The following ASIC2 variants were observed in gnomAD, a reference collection of about 807,000 sequenced individuals.
The protein encoded by ASIC2 is acid-sensing ion channel 2.
In ASIC2, 25 loss-of-function variants were observed where a neutral mutation model predicts 57.3. The ratio of observed to expected loss-of-function variants is 0.44; its 90% CI spans 0.32 to 0.61. The LOEUF (loss-of-function observed/expected upper bound fraction) is 0.61, where lower values mean the gene tolerates loss of function less well. Ranked by LOEUF, ASIC2 falls within the 20% of genes least tolerant of loss-of-function variation. The probability of loss-of-function intolerance (pLI) is 0.06; values close to 1 mark genes in which losing one functional copy is unlikely to be tolerated. For missense variants in ASIC2, 641 were observed against 738.1 expected, an observed-to-expected ratio of 0.87 and a Z score of 1.52; for synonymous variants, 319 against 307.5, an observed-to-expected ratio of 1.04 and a Z score of -0.39.
chr17:33,717,306 C>T (rs982236572), intron 1 of ASIC2, among the ~76,000 whole-genome samples: 7 of 152,160 alleles, frequency 4.6e-5, no homozygotes, highest in African/African-American at 4.8e-5. Flanking sequence ...GTTTTCTTCC[C>T]GCTCAAAATA....
intron 1 of ASIC2, among the ~76,000 whole-genome samples, chr17:33,783,656 T>C (rs1597874494): frequency 6.6e-6 from 1 of 152,214 alleles, no homozygotes; most frequent in Non-Finnish European, 1.5e-5. Flanking sequence ...CATCTGTCTA[T>C]ATTTTGGATT....
At chr17:33,620,239 T>C (rs1200996526) in intron 1 of ASIC2, among the ~76,000 whole-genome samples, 2 of 43,158 alleles carry the variant, frequency 4.6e-5, no homozygotes, top group East Asian at 1.0e-3. Flanking sequence ...CAGAGGAAAA[T>C]GAAAAAAAAA....
intron 1 of ASIC2, among the ~76,000 whole-genome samples, chr17:33,175,674 C>T (rs1027791350): frequency 6.6e-6 from 1 of 152,106 alleles, no homozygotes; most frequent in Non-Finnish European, 1.5e-5. Context: ...CTCATTCATT[C>T]ATCAAGTCCA....
chr17:34,134,624 G>A (rs1912078835), intron 1 of ASIC2, among the ~76,000 whole-genome samples: 1 of 152,198 alleles, frequency 6.6e-6, no homozygotes, highest in Non-Finnish European at 1.5e-5. Context: ...CCAGTGATGA[G>A]ACATGGAGAA....
At chr17:33,942,808 TC>T (rs1234107436) in intron 1 of ASIC2, among the ~76,000 whole-genome samples, 1 of 152,156 alleles carries the variant, frequency 6.6e-6, no homozygotes, top group African/African-American at 2.4e-5. Flanking sequence ...CCAGCTACCA[TC>T]CCAGTTTTAG....
intron 1 of ASIC2, among the ~76,000 whole-genome samples, chr17:34,057,235 A>G (rs1180895103): frequency 6.6e-6 from 1 of 152,240 alleles, no homozygotes. Context: ...TCTGTTAAAT[A>G]TTCCAAAGAC....
At chr17:33,829,579 CTT>C (rs34205959) in intron 1 of ASIC2, among the ~76,000 whole-genome samples, 40 of 138,858 alleles carry the variant, frequency 2.9e-4, no homozygotes, top group Non-Finnish European at 3.9e-4. Flanking sequence ...TTAAACTTTT[CTT>C]TTTTTTTTTT....
At chr17:33,062,855 G>T (rs1598259153) in intron 3 of ASIC2, among the ~76,000 whole-genome samples, 1 of 100,808 alleles carries the variant, frequency 9.9e-6, no homozygotes, top group Admixed American at 8.9e-5. Context: ...CCTGTATTGG[G>T]TGCATATATA....
At chr17:33,534,754 T>C (rs1915170448) in intron 1 of ASIC2, 1 of 152,238 alleles carries the variant, frequency 6.6e-6, no homozygotes, top group Non-Finnish European at 1.5e-5. Flanking sequence ...AAGCCAGTGC[T>C]CTATACCGAG....
At position 33,449,817 on chromosome 17, in the gene ASIC2, C is replaced by T. The variant is rs559194628; in HGVS notation, c.556-337750G>A. Among the ~76,000 whole-genome samples, 11 of 151,768 alleles carry T rather than the reference C, an allele frequency of 7.2e-5. No individual in the cohort carries two copies. The South Asian group carries it at 1.0e-3, about 14-fold the overall frequency. ...TGAGACAGAGTCTCACTCTGTCATCCGGGCTGAAGTGCAGTGGCACAATCT... is the reference window on the plus strand; with the variant it reads ...TGAGACAGAGTCTCACTCTGTCATCTGGGCTGAAGTGCAGTGGCACAATCT... On this transcript the variant is annotated intron_variant, in intron 1 of 9. Coordinates refer to the ASIC2 transcript ENST00000359872.
intron 1 of ASIC2, chr17:33,794,714 A>C (rs1911866062): frequency 6.6e-6 from 1 of 152,184 alleles, no homozygotes; most frequent in Non-Finnish European, 1.5e-5. Context: ...TTGTCCACAG[A>C]GACAAACAAG....
At chr17:33,081,237 T>C (rs1437000332) in intron 3 of ASIC2, among the ~76,000 whole-genome samples, 3 of 152,198 alleles carry the variant, frequency 2.0e-5, no homozygotes, top group Middle Eastern at 3.4e-3. Flanking sequence ...GCTTATATTG[T>C]GCAGGAAAAA....
At chr17:33,320,915 G>T (rs577609454) in intron 1 of ASIC2, among the ~76,000 whole-genome samples, 4 of 152,272 alleles carry the variant, frequency 2.6e-5, no homozygotes, top group Non-Finnish European at 4.4e-5. Flanking sequence ...CCTGTAGGCA[G>T]TACCATTCGT....
At chr17:33,572,500 C>T (rs539594011) in intron 1 of ASIC2, among the ~76,000 whole-genome samples, 1 of 152,238 alleles carries the variant, frequency 6.6e-6, no homozygotes, top group East Asian at 1.9e-4. Flanking sequence ...CATAGGCTTC[C>T]CCAAGCATGG....
intron 1 of ASIC2, among the ~76,000 whole-genome samples, chr17:33,225,215 T>A (rs920085510): frequency 6.6e-6 from 1 of 152,212 alleles, no homozygotes. Context: ...ATGTTTGTTA[T>A]AGCAAGAAAC....
intron 1 of ASIC2, chr17:33,533,743 A>G (rs551823978): frequency 6.6e-6 from 1 of 152,330 alleles, no homozygotes; most frequent in South Asian, 2.1e-4. Flanking sequence ...GTCTTGCGGA[A>G]GTCATAGCCG....
intron 1 of ASIC2, among the ~76,000 whole-genome samples, chr17:33,819,312 C>T (rs145114143): frequency 1.3e-5 from 2 of 152,230 alleles, no homozygotes; most frequent in Admixed American, 6.5e-5. Context: ...CCGCTCCTCT[C>T]TCTATTGCTC....
intron 1 of ASIC2, among the ~76,000 whole-genome samples, chr17:33,760,604 G>GATATATAT: frequency 6.7e-6 from 1 of 149,110 alleles, no homozygotes; most frequent in Non-Finnish European, 1.5e-5. Flanking sequence ...ATATATGCAA[G>GATATATAT]ATATATATAT....
chr17:34,119,772 T>C (rs1911544931), intron 1 of ASIC2, among the ~76,000 whole-genome samples: 1 of 152,232 alleles, frequency 6.6e-6, no homozygotes, highest in African/African-American at 2.4e-5. Context: ...TACAAGCTCC[T>C]GTCCAGCCAC....
Sources: gnomAD v4.1 joint callset for allele counts (sites outside exome capture counted in the v4.1 genomes callset) on GRCh38, gnomAD v4.1.1 for gene constraint, MANE v1.5 for transcripts, NCBI Gene and HGNC (gene_info 2026-07-23, HGNC 2026-07-21) for gene names.